The following TNR variants were observed in gnomAD, a reference collection of about 807,000 sequenced individuals.
TNR encodes the protein tenascin R.
Under a neutral mutation model 150.4 loss-of-function variants are expected in TNR, and 45 were observed. The ratio of observed to expected loss-of-function variants is 0.30; its 90% confidence interval spans 0.24 to 0.38. The LOEUF is 0.38. Ranked by LOEUF, TNR falls within the 10% of genes least tolerant of loss-of-function variation. The pLI, the probability that TNR is intolerant of heterozygous loss-of-function variation, is 1.00. For missense variants in TNR, 1,544 were observed against 1,759.1 expected (o/e 0.88, Z 2.19); for synonymous variants, 687 against 678.4 (o/e 1.01, Z -0.20).
At chr1:175,742,386 C>A (rs984836246) in intron 1 of TNR, among the ~76,000 whole-genome samples, 1 of 152,160 alleles carries the variant, frequency 6.6e-6, no homozygotes, top group Non-Finnish European at 1.5e-5. Flanking sequence ...TTTTTCACTG[C>A]CAAATGCCCC....
chr1:175,483,180 C>T (rs373550232), intron 2 of TNR, among the ~76,000 whole-genome samples: 6 of 152,112 alleles, frequency 3.9e-5, no homozygotes, highest in Admixed American at 2.0e-4. Context: ...TGTAGCCTAC[C>T]GGGAAAGACA....
chr1:175,494,162 C>T (rs776372358), intron 2 of TNR, among the ~76,000 whole-genome samples: 4 of 152,180 alleles, frequency 2.6e-5, no homozygotes, highest in Non-Finnish European at 4.4e-5. Flanking sequence ...TCCCGCCGGC[C>T]TCTCTCTGCT....
chr1:175,619,173 C>T (rs1663878840), intron 1 of TNR, among the ~76,000 whole-genome samples: 1 of 152,190 alleles, frequency 6.6e-6, no homozygotes, highest in African/African-American at 2.4e-5. Context: ...CCCTCCTAGG[C>T]CATCTCAAGT....
At chr1:175,329,883 A>T (rs1385834463) in intron 21 of TNR, among the ~76,000 whole-genome samples, 191 bp downstream of exon 21, 1 of 152,228 alleles carries the variant, frequency 6.6e-6, no homozygotes, top group African/African-American at 2.4e-5. Flanking sequence ...AGTTGCTTTT[A>T]GGTGACTGGT....
At chr1:175,392,945 G>T (rs1571377899) in intron 6 of TNR, among the ~76,000 whole-genome samples, 1 of 152,200 alleles carries the variant, frequency 6.6e-6, no homozygotes, top group African/African-American at 2.4e-5. Context: ...GTGAAATCAT[G>T]GTCTTGTTAG....
chr1:175,597,736 C>T (rs1044460705), intron 1 of TNR, among the ~76,000 whole-genome samples: 2 of 152,114 alleles, frequency 1.3e-5, no homozygotes, highest in Non-Finnish European at 2.9e-5. Context: ...CTGGACCAGT[C>T]ATGTAAATTA....
At chr1:175,437,630 G>A (rs1437081369) in intron 2 of TNR, among the ~76,000 whole-genome samples, 1 of 152,062 alleles carries the variant, frequency 6.6e-6, no homozygotes, top group Non-Finnish European at 1.5e-5. Context: ...TAGACCGCTA[G>A]CAAGACTAAT....
chr1:175,636,534 G>C (rs1279423034), intron 1 of TNR, among the ~76,000 whole-genome samples: 1 of 152,088 alleles, frequency 6.6e-6, no homozygotes, highest in Non-Finnish European at 1.5e-5. Context: ...GCTTTTCCTA[G>C]ATTCTCTTGT....
intron 1 of TNR, among the ~76,000 whole-genome samples, chr1:175,721,878 C>T (rs1039951835): frequency 1.3e-4 from 19 of 143,986 alleles, no homozygotes; most frequent in African/African-American, 4.8e-4. Context: ...CCTCCCCGGT[C>T]GGATGTGCTT....
chr1:175,529,281 C>G (rs1659973455), intron 1 of TNR, among the ~76,000 whole-genome samples: 1 of 152,186 alleles, frequency 6.6e-6, no homozygotes. Context: ...CAGGCGACAT[C>G]TGAGAGAGGA....
chr1:175,405,306 C>T (rs1168147656), intron 3 of TNR, among the ~76,000 whole-genome samples: 1 of 152,182 alleles, frequency 6.6e-6, no homozygotes, highest in Non-Finnish European at 1.5e-5. Flanking sequence ...TTGTTAATAA[C>T]TTCTTGTTGC....
intron 1 of TNR, among the ~76,000 whole-genome samples, chr1:175,675,197 C>T (rs1276220922): frequency 1.8e-4 from 28 of 152,212 alleles, no homozygotes; most frequent in South Asian, 2.1e-4. Context: ...TTGTGCATAT[C>T]GGCTTGTCGC....
chr1:175,373,491 C>T (rs915691989), intron 9 of TNR, among the ~76,000 whole-genome samples: 2 of 152,142 alleles, frequency 1.3e-5, no homozygotes, highest in Non-Finnish European at 2.9e-5. Flanking sequence ...GTCAGGCTTT[C>T]GAGGCCATCT....
chr1:175,462,717 G>T (rs1278518219), intron 2 of TNR, among the ~76,000 whole-genome samples: 3 of 152,174 alleles, frequency 2.0e-5, no homozygotes, highest in African/African-American at 7.2e-5. Context: ...TTAAAACTTA[G>T]TTAATTTATC....
At chr1:175,422,069 T>C (rs1654774500) in intron 2 of TNR, among the ~76,000 whole-genome samples, 1 of 152,208 alleles carries the variant, frequency 6.6e-6, no homozygotes, top group African/African-American at 2.4e-5. Context: ...TTAAGTGACT[T>C]GTCTAAAAGT....
chr1:175,517,721 C>A (rs1659471303), intron 2 of TNR, among the ~76,000 whole-genome samples: 1 of 152,304 alleles, frequency 6.6e-6, no homozygotes, highest in Middle Eastern at 3.4e-3. Flanking sequence ...GGCAGAGAAC[C>A]TGTGTTTCAT....
intron 1 of TNR, among the ~76,000 whole-genome samples, chr1:175,670,195 A>G (rs1650662556): frequency 6.6e-6 from 1 of 152,218 alleles, no homozygotes; most frequent in South Asian, 2.1e-4. Context: ...CAGCCACAGC[A>G]ATATTTCCTA....
chr1:175,535,558 T>C (rs1041202784), intron 1 of TNR, among the ~76,000 whole-genome samples: 27 of 152,036 alleles, frequency 1.8e-4, no homozygotes, highest in African/African-American at 6.3e-4. Context: ...CCTCCCGGGT[T>C]CACGCTATTC....
chr1:175,645,590 C>T (rs1405096813), intron 1 of TNR, among the ~76,000 whole-genome samples: 3 of 152,148 alleles, frequency 2.0e-5, no homozygotes, highest in African/African-American at 7.2e-5. Context: ...AAATGTTCTT[C>T]ATGTGGCTGA....
Sources: gnomAD v4.1 joint callset for allele counts (sites outside exome capture counted in the v4.1 genomes callset) on GRCh38, gnomAD v4.1.1 for gene constraint, MANE v1.5 for transcripts, NCBI Gene and HGNC (gene_info 2026-07-23, HGNC 2026-07-21) for gene names.